The following SANBR variants were observed in gnomAD, a reference collection of about 807,000 sequenced individuals.
SANBR encodes SANT and BTB domain regulator of CSR.
SANBR carries 77 observed loss-of-function variants against 101.8 expected under a neutral mutation model. The ratio of observed to expected loss-of-function variants is 0.76; its 90% CI spans 0.63 to 0.91. The LOEUF is 0.91. SANBR is among the 40% of genes least tolerant of loss of function. SANBR has a pLI of 0.00. For missense variants in SANBR, 875 were observed against 853.0 expected (o/e 1.03, Z -0.32); for synonymous variants, 279 against 274.7 (o/e 1.02, Z -0.15).
At chr2:61,087,840 G>C (rs894446614) in intron 8 of SANBR, among the ~76,000 whole-genome samples, 1 of 150,444 alleles carries the variant, frequency 6.6e-6, no homozygotes, top group African/African-American at 2.4e-5. Context: ...GACAGAGTGA[G>C]ACTCTGTCTC....
chr2:61,079,198 C>T (rs181034130), intron 6 of SANBR, among the ~76,000 whole-genome samples: 10 of 152,088 alleles, frequency 6.6e-5, no homozygotes, highest in Admixed American at 5.2e-4. Flanking sequence ...AAGAAAAACC[C>T]TTTAGGATTC....
rs747732804 is a variant in SANBR at position 61,088,429 on chromosome 2, A to C, written c.1049A>C (p.Asn350Thr). 16 of 1,609,564 alleles carry C rather than the reference A, an allele frequency of 9.9e-6. No individual in the cohort carries two copies. In the South Asian group the frequency reaches 1.8e-4, roughly 18 times the overall value. The change falls in exon 10 of 22, where the codon AAT becomes ACT. Residue 350 changes from asparagine (N) to threonine (T), a missense_variant. By Grantham distance (65) the Asn-to-Thr change is moderately conservative. Transcript: ENST00000402291. ...RRIPCIPGKI[N>T]VDRRGNIVYI... ...ATTCCTTGCATTCCTGGAAAAATCAATGTGGATCGACGTGGAAATATTGTC... is the reference window on the plus strand; with the variant it reads ...ATTCCTTGCATTCCTGGAAAAATCACTGTGGATCGACGTGGAAATATTGTC...
intron 12 of SANBR, among the ~76,000 whole-genome samples, chr2:61,100,571 G>A (rs1454782856): frequency 6.6e-6 from 1 of 152,168 alleles, no homozygotes; most frequent in Non-Finnish European, 1.5e-5. Context: ...TATTATAACA[G>A]GAGAGAAGAG....
intron 16 of SANBR, among the ~76,000 whole-genome samples, chr2:61,111,857 C>T (rs1683844603): frequency 6.6e-6 from 1 of 152,118 alleles, no homozygotes; most frequent in Non-Finnish European, 1.5e-5. Context: ...GAGATTCATC[C>T]ATATTATTGC....
chr2:61,071,507 A>G lies in SANBR; in HGVS notation c.151-99A>G. 6.1e-6 allele frequency: 4 copies of G among 655,914 alleles called. No homozygotes were observed. In the South Asian group the frequency reaches 8.2e-5, roughly 13 times the overall value. The allele number at this position is 655,914 out of a possible 1,614,324, so 40.6% of individuals were successfully genotyped here. On this transcript the variant is annotated intron_variant, in intron 3 of 21. Coordinates refer to ENST00000402291, the MANE Select transcript of SANBR (RefSeq NM_001129993.3). ...GGAGGTTGCAGTGAGCCAAGATCAC[A>G]CCACTGCACTCCAGCCTGGGCGACA...
chr2:61,104,844 G>C (rs947212202), intron 13 of SANBR, among the ~76,000 whole-genome samples: 138 of 141,608 alleles, frequency 9.7e-4, no homozygotes, highest in Middle Eastern at 9.3e-3. Context: ...CGAGGCAGGC[G>C]GATCACTTGA....
chr2:61,083,399 TTTTTC>T (rs535145458), intron 8 of SANBR, 85 bp downstream of exon 8: 44 of 918,276 alleles, frequency 4.8e-5, no homozygotes, highest in Non-Finnish European at 7.2e-5. Flanking sequence ...TATTCTTTCT[TTTTTC>T]TTTTTTCTTT....
chr2:61,135,639 C>G (rs1203715632), intron 21 of SANBR, among the ~76,000 whole-genome samples: 2 of 152,146 alleles, frequency 1.3e-5, no homozygotes, highest in African/African-American at 4.8e-5. Context: ...AGCATAGATT[C>G]TTTATACCAG....
chr2:61,073,386 A>G lies in SANBR; in HGVS notation c.338-72A>G, dbSNP rs1681584960. Reference sequence around the variant, plus strand: ...TTACAGTATTACCATTCAATAAATAAAAACCCATTCTCAGCTAGAAACACT... The same window carrying G: ...TTACAGTATTACCATTCAATAAATAGAAACCCATTCTCAGCTAGAAACACT... On this transcript the variant is annotated intron_variant, in intron 4 of 21. Transcript: ENST00000402291. 13 of 667,248 alleles carry G rather than the reference A, an allele frequency of 1.9e-5. No homozygotes were observed. The South Asian group carries it at 3.1e-4, about 16-fold the overall frequency. 41.3% of individuals were successfully genotyped at this position (667,248 alleles called of 1,614,324 possible). A position where few individuals can be genotyped will look rare whatever the true frequency, so the allele number is the denominator to read the frequency against.
At chr2:61,079,688 A>G (rs1681988373) in intron 6 of SANBR, among the ~76,000 whole-genome samples, 1 of 152,212 alleles carries the variant, frequency 6.6e-6, no homozygotes, top group African/African-American at 2.4e-5. Flanking sequence ...TGTGTAGTAA[A>G]GGTAAAAGAA....
intron 6 of SANBR, among the ~76,000 whole-genome samples, chr2:61,079,569 C>T (rs1047763878): frequency 8.5e-5 from 13 of 152,068 alleles, no homozygotes; most frequent in African/African-American, 2.9e-4. Context: ...TCAAAAATTT[C>T]AGCCAGAATC....
chr2:61,134,160 C>A, exon 21 of SANBR: 1 of 1,614,008 alleles, frequency 6.2e-7, no homozygotes, highest in African/African-American at 1.3e-5. Flanking sequence ...GACCCAGAGA[C>A]GGCACTGTGT....
chr2:61,128,295 A>C (rs1684576138), downstream of SANBR, among the ~76,000 whole-genome samples: 1 of 151,210 alleles, frequency 6.6e-6, no homozygotes. Flanking sequence ...AAGAATCCTT[A>C]CTTACAAGAG....
At chr2:61,119,774 A>G (rs1210586444) in intron 20 of SANBR, among the ~76,000 whole-genome samples, 1 of 152,026 alleles carries the variant, frequency 6.6e-6, no homozygotes, top group African/African-American at 2.4e-5. Context: ...CCTGGGCGAC[A>G]TGATGAAACC....
intron 12 of SANBR, among the ~76,000 whole-genome samples, chr2:61,098,265 G>A (rs915961699): frequency 1.3e-5 from 2 of 151,702 alleles, no homozygotes; most frequent in East Asian, 1.9e-4. Flanking sequence ...CATCACACCC[G>A]GTAATTTTTT....
chr2:61,123,917 C>A lies in SANBR; in HGVS notation c.*1755C>A, dbSNP rs1334831849. ...GACCAGCCTGGCCAACGTGGTGAAACCCTATCTCTACTAAAAATACAAAAA... is the reference window on the plus strand; with the variant it reads ...GACCAGCCTGGCCAACGTGGTGAAAACCTATCTCTACTAAAAATACAAAAA... On this transcript the variant is annotated 3_prime_UTR_variant, in exon 22 of 22. Transcript: ENST00000402291. The A allele has an allele frequency of 9.5e-6, 4 of 422,012 alleles. No homozygotes were observed. Among genetic ancestry groups the A allele is most frequent in the African/African-American group, 2.2e-5 (1 of 46,258 alleles). The allele number at this position is 422,012 out of a possible 1,614,324, so 26.1% of individuals were successfully genotyped here. A position where few individuals can be genotyped will look rare whatever the true frequency, so the allele number is the denominator to read the frequency against.
chr2:61,091,916 A>T (rs1002334718), intron 10 of SANBR, among the ~76,000 whole-genome samples: 1 of 152,204 alleles, frequency 6.6e-6, no homozygotes, highest in Non-Finnish European at 1.5e-5. Context: ...GTATCACTCA[A>T]TTACTAAAAG....
chr2:61,103,940 G>A lies in SANBR; in HGVS notation c.1453G>A (p.Asp485Asn). ...LPSCPTARMLDDLHKYRDVIV... is the reference protein window; with the variant it reads ...LPSCPTARMLNDLHKYRDVIV... ...GTCCTGTCCCACTGCTAGAATGTTGGACGATTTGCACAAGTACAGAGATGT... is the reference window on the plus strand; with the variant it reads ...GTCCTGTCCCACTGCTAGAATGTTGAACGATTTGCACAAGTACAGAGATGT... Residue 485 changes from aspartate (D) to asparagine (N), a missense_variant, in exon 13 of 22, where the codon GAC becomes AAC. Asp to Asn is a conservative substitution (Grantham distance 23). Coordinates refer to ENST00000402291, the MANE Select transcript of SANBR (RefSeq NM_001129993.3). 6.2e-7 allele frequency: 1 copy of A among 1,614,164 alleles called. No homozygotes were observed. Among genetic ancestry groups the A allele is most frequent in the Non-Finnish European group, 8.5e-7 (1 of 1,180,022 alleles).
In SANBR at chr2:61,123,595, G is replaced by A. The variant is rs1413514122; in HGVS notation, c.*1433G>A. On this transcript the variant is annotated 3_prime_UTR_variant, in exon 22 of 22. Coordinates refer to ENST00000402291, the MANE Select transcript of SANBR (RefSeq NM_001129993.3). ...TCTGTTAAATACCAGAGTTTTTTTT[G>A]TAGTTTACTGTGTTTTCTGATTAAA... The A allele has an allele frequency of 1.0e-6, 1 of 980,692 alleles. No individual in the cohort carries two copies. Among genetic ancestry groups the A allele is most frequent in the Non-Finnish European group, 1.2e-6 (1 of 826,062 alleles). 60.7% of individuals were successfully genotyped at this position (980,692 alleles called of 1,614,324 possible).
Sources: allele counts gnomAD v4.1 joint callset (sites outside exome capture counted in the v4.1 genomes callset), GRCh38; gene constraint gnomAD v4.1.1; transcripts MANE v1.5; gene names NCBI Gene and HGNC (gene_info 2026-07-23, HGNC 2026-07-21).